Variants in ARHGEF38 observed in about 807,000 individuals in gnomAD.
ARHGEF38 encodes the protein Rho guanine nucleotide exchange factor (GEF) 38.
In ARHGEF38, 79 loss-of-function variants were observed where a neutral mutation model predicts 79.9. The ratio of observed to expected loss-of-function variants is 0.99; its 90% CI spans 0.82 to 1.19. The LOEUF is 1.19. Ranked by LOEUF, ARHGEF38 falls within the 50% of genes most tolerant of loss-of-function variation. The pLI is 0.00. For synonymous variants in ARHGEF38, 366 were observed against 328.3 expected (o/e 1.11, Z -1.24); for missense variants, 962 against 907.2 (o/e 1.06, Z -0.78).
intron 13 of ARHGEF38, among the ~76,000 whole-genome samples, chr4:105,677,176 G>A (rs534379264): frequency 1.3e-5 from 2 of 152,066 alleles, no homozygotes; most frequent in Non-Finnish European, 2.9e-5. Context: ...CGTTGGTCAT[G>A]CTGGTCTTGT....
chr4:105,562,545 A>G (rs1341803388), intron 1 of ARHGEF38, among the ~76,000 whole-genome samples: 1 of 152,234 alleles, frequency 6.6e-6, no homozygotes, highest in Admixed American at 6.5e-5. Context: ...AAATTTAATT[A>G]AAGAAGAGAC....
At chr4:105,581,172 C>G (rs1404796759) in intron 1 of ARHGEF38, among the ~76,000 whole-genome samples, 4 of 139,786 alleles carry the variant, frequency 2.9e-5, no homozygotes, top group African/African-American at 9.9e-5. Flanking sequence ...TTGAGCCCAG[C>G]ATCTGTGGCT....
In ARHGEF38 at chr4:105,578,831, T is replaced by C. The variant is rs1045571019; in HGVS notation, c.197-10417T>C. On this transcript the variant is annotated intron_variant, in intron 1 of 13. Coordinates refer to ENST00000420470, the MANE Select transcript of ARHGEF38 (RefSeq NM_001242729.2). ...GTAAGTCTCTGGAAGACAGTTGATA[T>C]TTGGTTTGTGATTTTTTTAATCCAT... 2.6e-5 allele frequency among the ~76,000 whole-genome samples: 4 copies of C among 152,298 alleles called. No homozygotes were observed. In the East Asian group the frequency reaches 7.7e-4, roughly 29 times the overall value.
rs1394886064 is a variant in ARHGEF38, at chr4:105,679,974, C to T, written c.*2037C>T. On this transcript the variant is annotated 3_prime_UTR_variant, in exon 14 of 14. Coordinates refer to ENST00000420470, the MANE Select transcript of ARHGEF38 (RefSeq NM_001242729.2). ...TTTCTCTTTGTGACTGTGCAATGTC[C>T]CCATGTAAACACAGTGCATTCTGTT... 13 of 1,304,392 alleles carry T rather than the reference C, an allele frequency of 1.0e-5. No individual in the cohort carries two copies. Among genetic ancestry groups the T allele is most frequent in the Non-Finnish European group, 1.4e-5 (13 of 903,350 alleles). 80.8% of individuals were successfully genotyped at this position (1,304,392 alleles called of 1,614,324 possible).
At position 105,647,464 on chromosome 4, in the gene ARHGEF38, T is replaced by C. The variant is rs148877167; in HGVS notation, c.875-1085T>C. 3.2e-4 allele frequency among the ~76,000 whole-genome samples: 48 copies of C among 152,330 alleles called. No individual in the cohort carries two copies. The East Asian group carries it at 9.1e-3, about 29-fold the overall frequency. On this transcript the variant is annotated intron_variant, in intron 6 of 13. Transcript: ENST00000420470. ...GAGTATATCATTATTTATTAAACTA[T>C]TTCTCTAAGGATAAATATATAGATG...
intron 2 of ARHGEF38, 60 bp downstream of exon 2, chr4:105,589,495 C>G: frequency 1.4e-6 from 2 of 1,460,142 alleles, no homozygotes; most frequent in South Asian, 2.7e-5. Context: ...TCACTAGCAC[C>G]ATGAAATTGA....
intron 1 of ARHGEF38, among the ~76,000 whole-genome samples, chr4:105,556,665 C>T (rs1725265188): frequency 6.6e-6 from 1 of 152,074 alleles, no homozygotes; most frequent in African/African-American, 2.4e-5. Flanking sequence ...ATGAAAGAAA[C>T]CCTATCTGTC....
At chr4:105,591,322 G>A (rs1031200597) in intron 2 of ARHGEF38, among the ~76,000 whole-genome samples, 11 of 152,146 alleles carry the variant, frequency 7.2e-5, no homozygotes, top group Admixed American at 2.0e-4. Flanking sequence ...TCCGCCTCCC[G>A]GGTTCATGCC....
intron 3 of ARHGEF38, among the ~76,000 whole-genome samples, chr4:105,625,836 A>T (rs1445493690): frequency 6.6e-6 from 1 of 152,182 alleles, no homozygotes; most frequent in East Asian, 1.9e-4. Flanking sequence ...CACCCCACCA[A>T]CTTAGTCAAT....
At chr4:105,618,149 C>G (rs957362697) in intron 3 of ARHGEF38, among the ~76,000 whole-genome samples, 1 of 152,092 alleles carries the variant, frequency 6.6e-6, no homozygotes. Flanking sequence ...CCATAATTTC[C>G]TCTGAGCTCA....
intron 13 of ARHGEF38, among the ~76,000 whole-genome samples, chr4:105,672,335 G>A (rs564914927): frequency 5.9e-5 from 9 of 152,244 alleles, no homozygotes; most frequent in African/African-American, 2.2e-4. Flanking sequence ...TCTACCTCAA[G>A]TAAGAAGAGA....
intron 7 of ARHGEF38, 48 bp downstream of exon 7, chr4:105,648,730 G>T: frequency 6.8e-7 from 1 of 1,459,994 alleles, no homozygotes; most frequent in Non-Finnish European, 9.0e-7. Flanking sequence ...GAACATGAAT[G>T]CAGATATTTT....
intron 1 of ARHGEF38, among the ~76,000 whole-genome samples, chr4:105,564,949 A>T (rs1725815328): frequency 6.6e-6 from 1 of 152,210 alleles, no homozygotes; most frequent in Non-Finnish European, 1.5e-5. Context: ...TGGGACACTC[A>T]TCTTCTGCTA....
rs190046041 is a variant in ARHGEF38 at position 105,655,673 on chromosome 4, T to C, written c.1184T>C (p.Met395Thr). 3.3e-5 allele frequency: 50 copies of C among 1,535,876 alleles called. No individual in the cohort carries two copies. The highest frequency in any genetic ancestry group is 9.6e-5 in the African/African-American group (7 of 73,158). Residue 395 changes from methionine (M) to threonine (T), a missense_variant, in exon 9 of 14, where the codon ATG (methionine) becomes ACG (threonine). By Grantham distance (81) the Met-to-Thr change is moderately conservative. Coordinates refer to ENST00000420470, the MANE Select transcript of ARHGEF38 (RefSeq NM_001242729.2). The part of the protein sequence containing the change: ...QEISYNKDDE[M>T]DYSETLSNAL... ...ATTTCATACAACAAAGACGATGAGA[T>C]GGACTATTCTGAGACCCTAAGTAAT...
chr4:105,645,179 G>C lies in ARHGEF38; in HGVS notation c.675-9G>C, dbSNP rs914208000. On this transcript the variant is annotated splice_polypyrimidine_tract_variant and intron_variant, in intron 5 of 13. Coordinates refer to ENST00000420470, the MANE Select transcript of ARHGEF38 (RefSeq NM_001242729.2). ...TTTGTGAAACTGATATTATTTATCT[G>C]TATTGTAGAGGCAAACCAAACTTAT... 1 of 1,481,648 alleles carries C rather than the reference G, an allele frequency of 6.7e-7. No individual in the cohort carries two copies. The allele number at this position is 1,481,648 out of a possible 1,614,324, so 91.8% of individuals were successfully genotyped here.
At position 105,679,498 on chromosome 4, in the gene ARHGEF38, A is replaced by G; in HGVS notation, c.*1561A>G. The G allele has an allele frequency of 6.6e-7, 1 of 1,508,994 alleles. No homozygotes were observed. Among genetic ancestry groups the G allele is most frequent in the Non-Finnish European group, 9.2e-7 (1 of 1,086,954 alleles). The allele number at this position is 1,508,994 out of a possible 1,614,324, so 93.5% of individuals were successfully genotyped here. On this transcript the variant is annotated 3_prime_UTR_variant, in exon 14 of 14. Coordinates refer to ENST00000420470, the MANE Select transcript of ARHGEF38 (RefSeq NM_001242729.2). ...ACAAACCCCTTATCAGAGTTGATTAAAGATCATGGTTCAAAGCTTGATACA... is the reference window on the plus strand; with the variant it reads ...ACAAACCCCTTATCAGAGTTGATTAGAGATCATGGTTCAAAGCTTGATACA...
chr4:105,674,593 G>C (rs527974711), intron 13 of ARHGEF38, among the ~76,000 whole-genome samples: 2 of 151,936 alleles, frequency 1.3e-5, no homozygotes, highest in East Asian at 1.9e-4. Context: ...ATAGACTGCT[G>C]TCTCTTTAAA....
intron 1 of ARHGEF38, among the ~76,000 whole-genome samples, chr4:105,589,041 C>T (rs1051372202): frequency 2.6e-5 from 4 of 152,202 alleles, no homozygotes; most frequent in African/African-American, 9.6e-5. Flanking sequence ...TATCATTTAA[C>T]TCACTTGTTA....
At chr4:105,600,589 C>T (rs1429386307) in intron 2 of ARHGEF38, among the ~76,000 whole-genome samples, 2 of 152,138 alleles carry the variant, frequency 1.3e-5, no homozygotes, top group African/African-American at 4.8e-5. Context: ...GCTTTAAATC[C>T]CATCTACATG....
Sources: gnomAD v4.1 joint callset for allele counts (sites outside exome capture counted in the v4.1 genomes callset) on GRCh38, gnomAD v4.1.1 for gene constraint, MANE v1.5 for transcripts, NCBI Gene and HGNC (gene_info 2026-07-23, HGNC 2026-07-21) for gene names.